Variants in FASTKD3 observed in about 807,000 individuals in gnomAD.
FASTKD3 encodes FAST kinase domain-containing protein 3, mitochondrial.
FASTKD3 carries 47 observed loss-of-function variants against 49.7 expected under a neutral mutation model. That is an observed-to-expected ratio of 0.95 (90% confidence interval 0.75 to 1.21). The LOEUF is 1.21. FASTKD3 is among the 50% of genes most tolerant of loss of function. FASTKD3 has a pLI of 0.00. For synonymous variants in FASTKD3, 284 were observed against 288.6 expected, an observed-to-expected ratio of 0.98 and a Z score of 0.16; for missense variants, 748 against 765.7, an observed-to-expected ratio of 0.98 and a Z score of 0.27.
rs141634132 is a variant in FASTKD3, at chr5:7,859,502, C to T, written c.1922G>A (p.Arg641His). ...TCTTTGTAAATATTCCACCAATTCA[C>T]GTCTTGATTTTAGCATCCCAATCTC... ...YHEIGMLKSR[R>H]ELVEYLQRKL... is the part of the protein sequence containing the mutation. Residue 641 changes from arginine (R) to histidine (H), a missense_variant, in exon 7 of 7, where the codon CGT becomes CAT. By Grantham distance (29) the Arg-to-His change is conservative (BLOSUM62 0). Around this residue, in one of 3 missense-constraint regions of FASTKD3, gnomAD observed 178 missense variants for 182.2 expected, o/e 0.98. Transcript: ENST00000264669. 1.7e-5 allele frequency: 27 copies of T among 1,605,488 alleles called. No homozygotes were observed. Among genetic ancestry groups the T allele is most frequent in the African/African-American group, 1.1e-4 (8 of 74,634 alleles).
At chr5:7,864,899 G>T (rs1746827842) in intron 3 of FASTKD3, among the ~76,000 whole-genome samples, 1 of 151,856 alleles carries the variant, frequency 6.6e-6, no homozygotes, top group African/African-American at 2.4e-5. Context: ...AACCAAAAAG[G>T]CTCTAGTATG....
rs1747012271 is a variant in FASTKD3, at chr5:7,867,070, C to A, written c.1014G>T (p.Leu338Phe). The part of the protein sequence containing the change: ...HFTNEELRRV[L>F]EAFIYFGHHD... ...GGTGCCCAAAATATATGAACGCCTC[C>A]AAGACTCTCCTAAGCTCCTCGTTAG... The change falls in exon 2 of 7, where the codon TTG becomes TTT. Residue 338 changes from leucine (L) to phenylalanine (F), a missense_variant. Physicochemically the swap from Leu to Phe is conservative, Grantham distance 22 (BLOSUM62 0). Transcript: ENST00000264669. 1 of 1,614,000 alleles carries A rather than the reference C, an allele frequency of 6.2e-7. No homozygotes were observed.
chr5:7,868,813 GT>G (rs1475618419), intron 1 of FASTKD3, among the ~76,000 whole-genome samples, 165 bp downstream of exon 1: 4 of 152,166 alleles, frequency 2.6e-5, no homozygotes, highest in Admixed American at 6.5e-5. Context: ...CCCGCGGCGC[GT>G]TTTCCTAGGA....
chr5:7,867,748 T>C lies in FASTKD3; in HGVS notation c.336A>G (p.Ser112=), dbSNP rs1747110109. The C allele has an allele frequency of 1.2e-6, 2 of 1,614,142 alleles. No individual in the cohort carries two copies. Among genetic ancestry groups the C allele is most frequent in the Non-Finnish European group, 1.7e-6 (2 of 1,180,054 alleles). Residue 112 remains serine (S), a synonymous_variant, in exon 2 of 7, where the codon TCA becomes TCG. Coordinates refer to ENST00000264669, the MANE Select transcript of FASTKD3 (RefSeq NM_024091.4). The stretch of plus-strand genomic sequence containing the variant: ...TGCTTATAAAACTTAGCACTTCTTC[T>C]GATGAAGTCAAGTTGCTCAGTCTCC... The part of the protein sequence containing the change: ...FYRRLSNLTS[S]EEVLSFISTM...
intron 6 of FASTKD3, among the ~76,000 whole-genome samples, chr5:7,860,553 T>G (rs1229953331): frequency 1.3e-5 from 2 of 152,112 alleles, no homozygotes; most frequent in East Asian, 3.9e-4. Flanking sequence ...GCTCTGAAAA[T>G]TCTGTATTTC....
Position 7,861,520 on chromosome 5 carries a change from G to C in FASTKD3, c.1769+63C>G. The C allele has an allele frequency of 4.2e-6, 5 of 1,186,078 alleles. No individual in the cohort carries two copies. The South Asian group carries it at 1.2e-4, about 28-fold the overall frequency. 73.5% of individuals were successfully genotyped at this position (1,186,078 alleles called of 1,614,324 possible). A position where few individuals can be genotyped will look rare whatever the true frequency, so the allele number is the denominator to read the frequency against. ...ATTTTTTTCACCTTCTTGAGAAAAA[G>C]ATACCGCTGCTTATTAGCCTCAACG... On this transcript the variant is annotated intron_variant, in intron 5 of 6. Coordinates refer to ENST00000264669, the MANE Select transcript of FASTKD3 (RefSeq NM_024091.4).
chr5:7,867,179 G>T lies in FASTKD3; in HGVS notation c.905C>A (p.Ala302Asp), dbSNP rs1414015760. 1 of 1,614,018 alleles carries T rather than the reference G, an allele frequency of 6.2e-7. No homozygotes were observed. Among genetic ancestry groups the T allele is most frequent in the African/African-American group, 1.3e-5 (1 of 74,914 alleles). The change falls in exon 2 of 7, where the codon GCC becomes GAC. Residue 302 changes from alanine (A) to aspartate (D), a missense_variant. Transcript: ENST00000264669. ...TTGACTTTGATCAAGAACCACCAGG[G>T]CAGTGAGCATTTGGCTAATCAATTT... The part of the protein sequence containing the change: ...SPKLISQMLT[A>D]LVVLDQSQAF...
chr5:7,859,480 T>TACAA lies in FASTKD3; in HGVS notation c.1943_1944insTTGT (p.Gln648HisfsTer45). On this transcript the variant is annotated frameshift_variant, in exon 7 of 7. Transcript: ENST00000264669. LOFTEE classifies it high-confidence loss of function. ...CAGTGTTTTGAGAAAACAGTTTTCT[T>TACAA]TGTAAATATTCCACCAATTCACGTC... 1 of 1,607,380 alleles carries TACAA rather than the reference T, an allele frequency of 6.2e-7. No homozygotes were observed. Among genetic ancestry groups the TACAA allele is most frequent in the South Asian group, 1.1e-5 (1 of 89,868 alleles).
In FASTKD3 at chr5:7,867,402, G is replaced by C; in HGVS notation, c.682C>G (p.Leu228Val). 6.2e-7 allele frequency: 1 copy of C among 1,614,206 alleles called. No homozygotes were observed. Among genetic ancestry groups the C allele is most frequent in the African/African-American group, 1.3e-5 (1 of 75,042 alleles). The change falls in exon 2 of 7, where the codon CTG (leucine) becomes GTG (valine). Residue 228 changes from leucine to valine, a missense_variant. Coordinates refer to ENST00000264669, the MANE Select transcript of FASTKD3 (RefSeq NM_024091.4). The stretch of plus-strand genomic sequence containing the variant: ...AGTGTCACACAACCTGAACTGTGCA[G>C]TGTAATCAGACTTTCCCCAAGAATA... ...LCILGESLIT[L>V]HSSGCVTLEL... is the part of the protein sequence containing the mutation.
chr5:7,861,252 C>T lies in FASTKD3; in HGVS notation c.1781G>A (p.Cys594Tyr), dbSNP rs770094683. ...NEDIHKRIAL[C>Y]IDGPKRFCSN... The stretch of plus-strand genomic sequence containing the variant: ...GCAAAACCTTTTTGGACCATCAATA[C>T]ACAGTGCTATCCTGAAAAATAAAAA... Residue 594 changes from cysteine (C) to tyrosine (Y), a missense_variant, in exon 6 of 7, where the codon TGT becomes TAT. Coordinates refer to ENST00000264669, the MANE Select transcript of FASTKD3 (RefSeq NM_024091.4). The T allele has an allele frequency of 6.3e-7, 1 of 1,589,798 alleles. No individual in the cohort carries two copies. Among genetic ancestry groups the T allele is most frequent in the East Asian group, 2.2e-5 (1 of 44,698 alleles).
intron 3 of FASTKD3, among the ~76,000 whole-genome samples, chr5:7,864,309 A>C (rs1746775723): frequency 6.6e-6 from 1 of 152,218 alleles, no homozygotes; most frequent in Admixed American, 6.5e-5. Context: ...AGAATACATA[A>C]ATAAAAATTC....
Position 7,867,115 on chromosome 5 carries a change from C to T in FASTKD3, c.969G>A (p.Val323=). 6.2e-7 allele frequency: 1 copy of T among 1,614,150 alleles called. No individual in the cohort carries two copies. ...PLIIKLGKYV[V]RHVPHFTNEE... ...CGTTAGTGAAATGTGGGACATGCCTCACGACATATTTGCCCAATTTTATAA... is the reference window on the plus strand; with the variant it reads ...CGTTAGTGAAATGTGGGACATGCCTTACGACATATTTGCCCAATTTTATAA... Residue 323 remains valine (V), a synonymous_variant, in exon 2 of 7, where the codon GTG becomes GTA. Transcript: ENST00000264669.
Position 7,862,803 on chromosome 5 carries a change from A to C in FASTKD3, c.1699+20T>G, listed in dbSNP as rs778235418. 1.3e-6 allele frequency: 2 copies of C among 1,593,570 alleles called. No individual in the cohort carries two copies. The highest frequency in any genetic ancestry group is 4.5e-5 in the East Asian group (2 of 44,714). ...CAGGATGCTTAGGTTTAAAACAACA[A>C]AACTCCTTATACTACTTACCTATTG... On this transcript the variant is annotated intron_variant, in intron 4 of 6. Coordinates refer to ENST00000264669, the MANE Select transcript of FASTKD3 (RefSeq NM_024091.4).
chr5:7,863,049 G>A (rs750518720), intron 3 of FASTKD3, 52 bp from the exon 4 acceptor site: 1 of 1,494,800 alleles, frequency 6.7e-7, no homozygotes, highest in Admixed American at 1.8e-5. Context: ...TATAACAACA[G>A]AGAATAAATT....
intron 5 of FASTKD3, 94 bp from the exon 6 acceptor site, chr5:7,861,357 G>T (rs162026): frequency 0.16 from 107,956 of 694,864 alleles, 10,983 homozygotes; most frequent in African/African-American, 0.39. Flanking sequence ...TTGGGATTTG[G>T]CTATTACTAT....
intron 4 of FASTKD3, among the ~76,000 whole-genome samples, chr5:7,862,511 A>C (rs977471911): frequency 1.3e-5 from 2 of 152,172 alleles, no homozygotes; most frequent in African/African-American, 4.8e-5. Flanking sequence ...CCTACGTTCC[A>C]GGTACTATTT....
chr5:7,862,830 A>T lies in FASTKD3; in HGVS notation c.1692T>A (p.Tyr564Ter). The change falls in exon 4 of 7, where the codon TAT (tyrosine) becomes TAA (stop). Residue 564 changes from tyrosine (Y) to a stop codon, truncating the protein, a stop_gained. Transcript: ENST00000264669. LOFTEE classifies it high-confidence loss of function. ...FAPKVLTPYC[Y>*]TIDVEIKLDE... Reference sequence around the variant, plus strand: ...ACTCCTTATACTACTTACCTATTGTATAACAATAGGGTGTCAACACTTTTG... The same window carrying T: ...ACTCCTTATACTACTTACCTATTGTTTAACAATAGGGTGTCAACACTTTTG... 1 of 1,608,536 alleles carries T rather than the reference A, an allele frequency of 6.2e-7. No homozygotes were observed. Among genetic ancestry groups the T allele is most frequent in the Non-Finnish European group, 8.5e-7 (1 of 1,176,094 alleles).
chr5:7,861,234 CT>C lies in FASTKD3; in HGVS notation c.1798del (p.Arg600GlyfsTer38). On this transcript the variant is annotated frameshift_variant, in exon 6 of 7. Transcript: ENST00000264669. LOFTEE classifies it high-confidence loss of function. ...TAAGTGTTTGCTATTGGAGCAAAAC[CT>C]TTTTGGACCATCAATACACAGTGCT... ...RIALCIDGPKRFCSNSKHLLG... is the reference protein window; with the variant it reads ...RIALCIDGPKXFCSNSKHLLG... The C allele has an allele frequency of 6.2e-7, 1 of 1,610,728 alleles. No individual in the cohort carries two copies. The highest frequency in any genetic ancestry group is 1.1e-5 in the South Asian group (1 of 90,690).
At chr5:7,863,293 G>A in intron 3 of FASTKD3, 1 of 336,992 alleles carries the variant, frequency 3.0e-6, no homozygotes, top group Non-Finnish European at 5.4e-6. Context: ...AGAGTGAGAA[G>A]AAACATAATA....
Sources: allele counts gnomAD v4.1 joint callset (sites outside exome capture counted in the v4.1 genomes callset), GRCh38; gene constraint gnomAD v4.1.1; regional missense constraint gnomAD v4.1.1; transcripts MANE v1.5; gene names NCBI Gene and HGNC (gene_info 2026-07-23, HGNC 2026-07-21).